GAREM2: variants seen among roughly 807,000 people sequenced by gnomAD.
GAREM2 encodes GRB2-associated and regulator of MAPK protein 2.
A neutral mutation model predicts 55.6 loss-of-function variants in GAREM2; 30 were observed. The ratio of observed to expected loss-of-function variants is 0.54; its 90% CI spans 0.40 to 0.73. The LOEUF (loss-of-function observed/expected upper bound fraction) is 0.73. GAREM2 is among the 30% of genes least tolerant of loss of function. The probability of loss-of-function intolerance (pLI) is 0.00; values close to 1 mark genes in which losing one functional copy is unlikely to be tolerated. For synonymous variants in GAREM2, 550 were observed against 569.1 expected (o/e 0.97, Z 0.48); for missense variants, 1,075 against 1,257.7 (o/e 0.85, Z 2.20).
the GAREM2 span, among the ~76,000 whole-genome samples, chr2:26,200,113 CT>C: frequency 2.0e-5 from 3 of 152,150 alleles, no homozygotes; most frequent in Non-Finnish European, 4.4e-5. Context: ...TTTGTTAGCT[CT>C]ATGGGCAATA....
chr2:26,203,993 A>C, the GAREM2 span: 1 of 1,493,512 alleles, frequency 6.7e-7, no homozygotes, highest in Non-Finnish European at 9.3e-7. Context: ...CCACCAAGCC[A>C]CCACAAAAAA....
intron 2 of GAREM2, chr2:26,182,258 C>T: frequency 7.0e-7 from 1 of 1,424,130 alleles, no homozygotes; most frequent in African/African-American, 1.4e-5. Context: ...GCAAAGCACG[C>T]AGCCCCAGAC....
intron 2 of GAREM2, among the ~76,000 whole-genome samples, chr2:26,178,044 T>C (rs1433557278): frequency 2.0e-5 from 3 of 152,212 alleles, no homozygotes; most frequent in Admixed American, 6.5e-5. Context: ...TGGGTCTCCC[T>C]GAGCCAGGAG....
downstream of GAREM2, among the ~76,000 whole-genome samples, chr2:26,193,292 TC>T (rs1465936166): frequency 1.1e-5 from 1 of 93,716 alleles, no homozygotes; most frequent in Non-Finnish European, 2.1e-5. Context: ...TCACATGACA[TC>T]TTTTTTTTTT....
the GAREM2 span, among the ~76,000 whole-genome samples, chr2:26,200,086 T>C: frequency 1.3e-5 from 2 of 152,224 alleles, no homozygotes; most frequent in African/African-American, 4.8e-5. Flanking sequence ...CTGTGGAAGA[T>C]TGTCCAAGGA....
downstream of GAREM2, chr2:26,192,427 A>G (rs777618367): frequency 3.5e-6 from 5 of 1,442,876 alleles, no homozygotes; most frequent in South Asian, 1.1e-5. Flanking sequence ...TTTACGACCT[A>G]AAACAGGCAA....
At chr2:26,194,277 C>T (rs1669596764), downstream of GAREM2, among the ~76,000 whole-genome samples, 1 of 152,146 alleles carries the variant, frequency 6.6e-6, no homozygotes, top group South Asian at 2.1e-4. Flanking sequence ...TCTGGATGGT[C>T]CCTGCCTCAG....
chr2:26,187,628 C>G lies in GAREM2; in HGVS notation c.1996C>G (p.Pro666Ala). The G allele has an allele frequency of 6.5e-7, 1 of 1,548,714 alleles. No individual in the cohort carries two copies. Among genetic ancestry groups the G allele is most frequent in the Non-Finnish European group, 8.7e-7 (1 of 1,145,370 alleles). The change falls in exon 6 of 6, where the codon CCA becomes GCA. Residue 666 changes from proline to alanine, a missense_variant. Physicochemically the swap from Pro to Ala is conservative, Grantham distance 27. Transcript: ENST00000401533. ...GGCTACCTCTGGCCCTGCGTATTCC[C>G]CAGGCCCAGCCTCGCCAGGCCAGGC... ...PVATSGPAYS[P>A]GPASPGQAYS...
intron 3 of GAREM2, 72 bp downstream of exon 3, chr2:26,183,169 T>G: frequency 1.3e-6 from 2 of 1,504,770 alleles, no homozygotes; most frequent in Non-Finnish European, 1.8e-6. Context: ...TGACTCTGGT[T>G]GGAAGGTTGC....
In GAREM2 at chr2:26,184,279, CGCT is replaced by C; in HGVS notation, c.434_436del (p.Leu145del). The C allele has an allele frequency of 6.4e-7, 1 of 1,551,028 alleles. No individual in the cohort carries two copies. The highest frequency in any genetic ancestry group is 8.7e-7 in the Non-Finnish European group (1 of 1,146,792). ...GAGGACAGCGAGGTGTACAACTTCA[CGCT>C]GCATGCGGGCGACGAGCTCACTCTT... On this transcript the variant is annotated inframe_deletion, in exon 4 of 6. Coordinates refer to ENST00000401533, the MANE Select transcript of GAREM2 (RefSeq NM_001168241.2).
downstream of GAREM2, chr2:26,190,922 G>A: frequency 8.4e-6 from 4 of 475,192 alleles, no homozygotes; most frequent in South Asian, 8.6e-5. Flanking sequence ...GTGCAGAACT[G>A]CCCTCACCAC....
chr2:26,192,387 C>G (rs754472544), downstream of GAREM2: 1 of 1,607,802 alleles, frequency 6.2e-7, no homozygotes. Context: ...TCTTCACACC[C>G]TCCTGATAGA....
the GAREM2 span, chr2:26,201,082 T>TAA: frequency 2.6e-6 from 3 of 1,152,616 alleles, no homozygotes; most frequent in Non-Finnish European, 3.8e-6. Flanking sequence ...ATAGCTCCTT[T>TAA]AAAAAAAAAA....
chr2:26,183,538 A>C (rs557897433), intron 3 of GAREM2, among the ~76,000 whole-genome samples: 2 of 152,330 alleles, frequency 1.3e-5, no homozygotes, highest in African/African-American at 4.8e-5. Flanking sequence ...AGCCTGGGCA[A>C]CATGGAGAGA....
downstream of GAREM2, chr2:26,191,040 C>CCTT: frequency 1.6e-6 from 1 of 638,374 alleles, no homozygotes; most frequent in South Asian, 1.8e-5. Flanking sequence ...GTGGGCTCTA[C>CCTT]CTTCCAACAG....
chr2:26,184,165 C>T, intron 3 of GAREM2, 68 bp from the exon 4 acceptor site: 1 of 1,532,534 alleles, frequency 6.5e-7, no homozygotes, highest in Non-Finnish European at 8.8e-7. Context: ...TTTCCAGTCT[C>T]TGGGAGCTGG....
chr2:26,197,076 C>G, the GAREM2 span, among the ~76,000 whole-genome samples: 7 of 152,224 alleles, frequency 4.6e-5, no homozygotes, highest in African/African-American at 9.6e-5. Flanking sequence ...ATAATTCCTG[C>G]CTACCTTCGG....
chr2:26,193,417 C>A (rs928953452), downstream of GAREM2, among the ~76,000 whole-genome samples: 1 of 151,410 alleles, frequency 6.6e-6, no homozygotes, highest in Non-Finnish European at 1.5e-5. Flanking sequence ...GTGGTTGCTA[C>A]CGCACCTGAC....
the GAREM2 span, chr2:26,203,974 C>T: frequency 7.5e-7 from 1 of 1,339,876 alleles, no homozygotes. Flanking sequence ...AACAAACAAA[C>T]AAAAAAACCC....
Sources: allele counts gnomAD v4.1 joint callset (sites outside exome capture counted in the v4.1 genomes callset), GRCh38; gene constraint gnomAD v4.1.1; transcripts MANE v1.5; gene names NCBI Gene and HGNC (gene_info 2026-07-23, HGNC 2026-07-21).